ADAMTSL3: variants seen among roughly 807,000 people sequenced by gnomAD.
ADAMTSL3 encodes ADAMTS-like protein 3.
A neutral mutation model predicts 201.7 loss-of-function variants in ADAMTSL3; 128 were observed. The observed-to-expected ratio is 0.63, with a 90% CI of 0.55 to 0.73. The LOEUF (loss-of-function observed/expected upper bound fraction) is 0.73. Among genes scored for constraint, ADAMTSL3 ranks in the 30% least tolerant of loss-of-function variants. ADAMTSL3 has a pLI of 0.00. For missense variants in ADAMTSL3, 1,990 were observed against 2,119.6 expected (o/e 0.94, Z 1.20); for synonymous variants, 738 against 748.4 (o/e 0.99, Z 0.23).
chr15:83,912,982 C>A, intron 15 of ADAMTSL3, 110 bp from the exon 16 acceptor site: 2 of 1,158,748 alleles, frequency 1.7e-6, no homozygotes, highest in Non-Finnish European at 2.5e-6. Flanking sequence ...GGAATTCCAC[C>A]GAGTGAAGCT....
chr15:83,874,949 A>C (rs1369194701), intron 9 of ADAMTSL3, among the ~76,000 whole-genome samples: 1 of 145,374 alleles, frequency 6.9e-6, no homozygotes, highest in Non-Finnish European at 1.5e-5. Flanking sequence ...TCAGCGAGGA[A>C]ACCTCAGAAA....
chr15:83,767,166 G>A (rs746036006), intron 3 of ADAMTSL3, among the ~76,000 whole-genome samples: 4 of 152,218 alleles, frequency 2.6e-5, no homozygotes, highest in Non-Finnish European at 5.9e-5. Flanking sequence ...TTGTTCACCT[G>A]CAAAATGGGG....
chr15:83,887,270 C>T (rs746815892), intron 10 of ADAMTSL3, among the ~76,000 whole-genome samples: 23 of 152,256 alleles, frequency 1.5e-4, no homozygotes, highest in Non-Finnish European at 2.5e-4. Context: ...CTGTGTTATT[C>T]CTGCACTGTT....
At chr15:84,021,105 C>T (rs891057452) in intron 25 of ADAMTSL3, among the ~76,000 whole-genome samples, 2 of 152,148 alleles carry the variant, frequency 1.3e-5, no homozygotes. Flanking sequence ...AGGAGGCAGC[C>T]CACTGCTGAG....
intron 10 of ADAMTSL3, among the ~76,000 whole-genome samples, chr15:83,888,581 G>C (rs912074205): frequency 6.6e-6 from 1 of 152,164 alleles, no homozygotes; most frequent in Non-Finnish European, 1.5e-5. Context: ...AAGAAAATTA[G>C]TTCATCGGTC....
chr15:83,733,422 C>T (rs923579192), intron 3 of ADAMTSL3, among the ~76,000 whole-genome samples: 1 of 152,066 alleles, frequency 6.6e-6, no homozygotes, highest in Non-Finnish European at 1.5e-5. Flanking sequence ...GGTACTGACC[C>T]TGTTGGGTAG....
At chr15:83,813,877 T>C (rs1005411002) in intron 5 of ADAMTSL3, among the ~76,000 whole-genome samples, 70 of 152,196 alleles carry the variant, frequency 4.6e-4, no homozygotes, top group African/African-American at 1.5e-3. Flanking sequence ...AGAGAAGTCA[T>C]GCATGTCAGC....
At chr15:83,809,484 C>T (rs184516884) in intron 5 of ADAMTSL3, among the ~76,000 whole-genome samples, 1 of 152,308 alleles carries the variant, frequency 6.6e-6, no homozygotes, top group Admixed American at 6.5e-5. Context: ...CTAAAAAACT[C>T]CCTTGCAGTC....
intron 6 of ADAMTSL3, among the ~76,000 whole-genome samples, chr15:83,821,248 TC>T (rs1230007009): frequency 6.6e-6 from 1 of 151,994 alleles, no homozygotes; most frequent in Non-Finnish European, 1.5e-5. Context: ...TCCCTGAGTT[TC>T]TTTTTTTTTT....
chr15:83,874,556 G>A (rs1388426734), intron 9 of ADAMTSL3, among the ~76,000 whole-genome samples: 1 of 143,278 alleles, frequency 7.0e-6, no homozygotes, highest in Non-Finnish European at 1.5e-5. Flanking sequence ...TTCAGAAAAG[G>A]CCCAGTTTGT....
At chr15:83,745,776 A>G (rs1189710037) in intron 3 of ADAMTSL3, among the ~76,000 whole-genome samples, 2 of 152,242 alleles carry the variant, frequency 1.3e-5, no homozygotes, top group African/African-American at 4.8e-5. Context: ...AAAAGTACAT[A>G]GAGTGACACT....
chr15:83,968,705 C>T (rs1261013360), intron 19 of ADAMTSL3, among the ~76,000 whole-genome samples: 2 of 152,196 alleles, frequency 1.3e-5, no homozygotes, highest in African/African-American at 2.4e-5. Context: ...ATGACACATG[C>T]ACACATATGT....
At chr15:84,026,059 A>C (rs949550340) in intron 27 of ADAMTSL3, among the ~76,000 whole-genome samples, 1 of 152,214 alleles carries the variant, frequency 6.6e-6, no homozygotes, top group African/African-American at 2.4e-5. Flanking sequence ...ATATGACAAT[A>C]AAGACATAAA....
intron 4 of ADAMTSL3, among the ~76,000 whole-genome samples, chr15:83,776,906 G>A (rs2063084822): frequency 6.6e-6 from 1 of 151,156 alleles, no homozygotes; most frequent in South Asian, 2.1e-4. Flanking sequence ...AATGAAAACA[G>A]CCTTTTATGC....
intron 20 of ADAMTSL3, among the ~76,000 whole-genome samples, chr15:83,981,853 T>G (rs1567279767): frequency 6.6e-6 from 1 of 152,242 alleles, no homozygotes; most frequent in Non-Finnish European, 1.5e-5. Context: ...AGTAGAGACC[T>G]GACATATCAG....
At chr15:84,001,569 CTG>C (rs891292217) in intron 23 of ADAMTSL3, among the ~76,000 whole-genome samples, 3 of 152,194 alleles carry the variant, frequency 2.0e-5, no homozygotes, top group Admixed American at 6.5e-5. Context: ...GAGAATGAAA[CTG>C]TGTTTGAGAC....
intron 7 of ADAMTSL3, among the ~76,000 whole-genome samples, chr15:83,847,276 A>G (rs1243407213): frequency 1.3e-5 from 2 of 152,146 alleles, no homozygotes; most frequent in Non-Finnish European, 2.9e-5. Flanking sequence ...ACTTTTGCTT[A>G]CTGGCATACT....
At chr15:83,886,543 A>G (rs771888298) in intron 10 of ADAMTSL3, among the ~76,000 whole-genome samples, 35 of 152,148 alleles carry the variant, frequency 2.3e-4, no homozygotes, top group Non-Finnish European at 4.4e-4. Flanking sequence ...TCATGCTCTA[A>G]ATGACTTTGC....
intron 19 of ADAMTSL3, among the ~76,000 whole-genome samples, chr15:83,957,630 G>A (rs879073336): frequency 6.6e-6 from 1 of 152,064 alleles, no homozygotes; most frequent in Non-Finnish European, 1.5e-5. Context: ...TTTTTGTCCT[G>A]GGAAGCTAAT....
Sources: allele counts gnomAD v4.1 joint callset (sites outside exome capture counted in the v4.1 genomes callset), GRCh38; gene constraint gnomAD v4.1.1; transcripts MANE v1.5; gene names NCBI Gene and HGNC (gene_info 2026-07-23, HGNC 2026-07-21).